MMGT1: variants seen among roughly 807,000 people sequenced by gnomAD.
MMGT1 encodes the protein membrane magnesium transporter 1, also known as ER membrane protein complex subunit 5.
A neutral mutation model predicts 11.7 loss-of-function variants in MMGT1; 2 were observed. The observed-to-expected ratio is 0.17, with a 90% CI of 0.07 to 0.54. MMGT1 has a LOEUF of 0.54. MMGT1 is among the 20% of genes least tolerant of loss of function. MMGT1 has a pLI of 0.94. For missense variants in MMGT1, 74 were observed against 109.0 expected (o/e 0.68, Z 1.43); for synonymous variants, 49 against 44.4 (o/e 1.10, Z -0.41).
intron 2 of MMGT1, among the ~76,000 whole-genome samples, chrX:135,967,793 C>T (rs2089194209): frequency 1.8e-5 from 2 of 111,989 alleles, no homozygotes; most frequent in African/African-American, 6.5e-5. Flanking sequence ...TTACCTGCTT[C>T]CAAGAGCAAC....
intron 2 of MMGT1, among the ~76,000 whole-genome samples, chrX:135,968,728 A>C: frequency 9.1e-6 from 1 of 110,332 alleles, no homozygotes; most frequent in East Asian, 2.8e-4. Flanking sequence ...ATGGGGTTTC[A>C]CCATGTTGGC....
At chrX:135,965,917 G>A (rs1556611903) in intron 3 of MMGT1, among the ~76,000 whole-genome samples, 1 of 111,954 alleles carries the variant, frequency 8.9e-6, no homozygotes, top group Non-Finnish European at 1.9e-5. Context: ...TGTTTTCCAA[G>A]AATCTTTCAA....
In MMGT1 at chrX:135,973,610, A is replaced by G; in HGVS notation, c.66T>C (p.Phe22=). The change falls in exon 1 of 4, where the codon TTT becomes TTC. Residue 22 remains phenylalanine, a synonymous_variant. Coordinates refer to ENST00000305963, the MANE Select transcript of MMGT1 (RefSeq NM_173470.3). Reference sequence around the variant, plus strand: ...CCAGGCACTTACGCTGCGCAGCGGAAAAGGCGGCGTGGGCTAGGGCAAAGA... The same window carrying G: ...CCAGGCACTTACGCTGCGCAGCGGAGAAGGCGGCGTGGGCTAGGGCAAAGA... ...IGLFALAHAA[F]SAAQHRSYMR... is the part of the protein sequence containing the mutation. 1 of 1,166,536 alleles carries G rather than the reference A, an allele frequency of 8.6e-7. No individual in the cohort carries two copies. The highest frequency in any genetic ancestry group is 1.1e-6 in the Non-Finnish European group (1 of 872,353).
intron 3 of MMGT1, among the ~76,000 whole-genome samples, chrX:135,966,200 T>C (rs1420131226): frequency 8.9e-6 from 1 of 112,123 alleles, no homozygotes; most frequent in African/African-American, 3.2e-5. Flanking sequence ...CTGGAAAGGA[T>C]AGGAGAACTC....
Position 135,962,032 on chromosome X carries a change from A to T in MMGT1, c.*2992T>A, listed in dbSNP as rs1456221654. On this transcript the variant is annotated 3_prime_UTR_variant, in exon 4 of 4. Transcript: ENST00000305963. ...CAGAAAAGCAGAAGAAATGAGATTA[A>T]AAGTCCAAAAAAAAAAAGCCCAAAA... The T allele has an allele frequency of 9.1e-6, 1 of 110,359 alleles. No homozygotes were observed. The highest frequency in any genetic ancestry group is 3.3e-5 in the African/African-American group (1 of 30,397). 9.1% of individuals were successfully genotyped at this position (110,359 alleles called of 1,213,427 possible). A position where few individuals can be genotyped will look rare whatever the true frequency, so the allele number is the denominator to read the frequency against.
intron 1 of MMGT1, among the ~76,000 whole-genome samples, chrX:135,972,360 A>AAGAATGTGTTTAG (rs2089224559): frequency 8.9e-6 from 1 of 112,721 alleles, no homozygotes; most frequent in South Asian, 3.6e-4. Flanking sequence ...ACTCTTGAAG[A>AAGAATGTGTTTAG]AGAATGTGTT....
intron 1 of MMGT1, among the ~76,000 whole-genome samples, chrX:135,973,097 C>T (rs782432722): frequency 8.9e-6 from 1 of 111,891 alleles, no homozygotes; most frequent in South Asian, 3.7e-4. Context: ...ACAGATGTAG[C>T]GGTAATGCAA....
At chrX:135,968,103 C>T (rs782153282) in intron 2 of MMGT1, among the ~76,000 whole-genome samples, 10 of 112,177 alleles carry the variant, frequency 8.9e-5, no homozygotes, top group South Asian at 3.7e-4. Context: ...CCGCCCGCCA[C>T]GGCCTCCCAA....
In MMGT1 at chrX:135,973,742, G is replaced by A. The variant is rs985124805; in HGVS notation, c.-67C>T. On this transcript the variant is annotated 5_prime_UTR_variant, in exon 1 of 4. Transcript: ENST00000305963. ...GGCGGAGCTGTTTCTTCTTCCACCGGCGGGTGTCCGCGCGCCGCAGAAAGA... is the reference window on the plus strand; with the variant it reads ...GGCGGAGCTGTTTCTTCTTCCACCGACGGGTGTCCGCGCGCCGCAGAAAGA... 2 of 1,166,391 alleles carry A rather than the reference G, an allele frequency of 1.7e-6. No individual in the cohort carries two copies. The highest frequency in any genetic ancestry group is 5.2e-5 in the Admixed American group (2 of 38,750).
At chrX:135,971,327 T>C (rs2089217830) in intron 1 of MMGT1, among the ~76,000 whole-genome samples, 1 of 111,884 alleles carries the variant, frequency 8.9e-6, no homozygotes, top group Non-Finnish European at 1.9e-5. Context: ...AAGAAGTGGC[T>C]GACTTATATG....
intron 2 of MMGT1, among the ~76,000 whole-genome samples, chrX:135,967,880 G>A (rs782448349): frequency 3.6e-5 from 4 of 110,173 alleles, no homozygotes; most frequent in Non-Finnish European, 7.6e-5. Flanking sequence ...TTTTTGAGAC[G>A]AAGTTTCCCT....
chrX:135,963,375 C>T lies in MMGT1; in HGVS notation c.*1649G>A, dbSNP rs1020244944. ...AAGAGAAGGAAACAAGAGGCTCTTC[C>T]AAACCAAATCGTACCAGAAGAAAAC... is the stretch of plus-strand genomic sequence containing the variant. On this transcript the variant is annotated 3_prime_UTR_variant, in exon 4 of 4. Transcript: ENST00000305963. The T allele has an allele frequency of 1.5e-4, 17 of 112,017 alleles. No individual in the cohort carries two copies. The highest frequency in any genetic ancestry group is 4.9e-4 in the African/African-American group (15 of 30,886). 9.2% of individuals were successfully genotyped at this position (112,017 alleles called of 1,213,427 possible).
chrX:135,961,631 T>C lies in MMGT1; in HGVS notation c.*3393A>G, dbSNP rs184169844. 8.9e-6 allele frequency among the ~76,000 whole-genome samples: 1 copy of C among 111,840 alleles called. No homozygotes were observed. Among genetic ancestry groups the C allele is most frequent in the Non-Finnish European group, 1.9e-5 (1 of 53,125 alleles). On this transcript the variant is annotated 3_prime_UTR_variant, in exon 4 of 4. Coordinates refer to ENST00000305963, the MANE Select transcript of MMGT1 (RefSeq NM_173470.3). ...CCGGTGGTGTTATTTTTCAAAATAC[T>C]GTAGATAAGTGCCAAGTTTTGCAAT...
chrX:135,969,986 A>G (rs1418066432), intron 2 of MMGT1, among the ~76,000 whole-genome samples: 1 of 112,164 alleles, frequency 8.9e-6, no homozygotes, highest in East Asian at 2.8e-4. Flanking sequence ...CTCTGTTACA[A>G]AGAACTTACT....
intron 1 of MMGT1, 98 bp downstream of exon 1, chrX:135,973,499 A>G: frequency 1.4e-6 from 1 of 696,841 alleles, no homozygotes; most frequent in South Asian, 2.6e-5. Context: ...TCAAAGGACC[A>G]TTAATCTGAC....
chrX:135,973,485 G>T (rs1556612787), intron 1 of MMGT1, 112 bp downstream of exon 1: 1 of 603,192 alleles, frequency 1.7e-6, no homozygotes, highest in African/African-American at 2.3e-5. Context: ...CAAACTGTAA[G>T]GTCTCAAAGG....
At chrX:135,968,543 T>TG (rs2089199954) in intron 2 of MMGT1, among the ~76,000 whole-genome samples, 2 of 45,196 alleles carry the variant, frequency 4.4e-5, no homozygotes, top group Non-Finnish European at 8.9e-5. Context: ...GTGTGTTTTC[T>TG]TTTTTTGAGA....
chrX:135,964,908 A>C lies in MMGT1; in HGVS notation c.*116T>G, dbSNP rs2089176857. On this transcript the variant is annotated 3_prime_UTR_variant, in exon 4 of 4. Transcript: ENST00000305963. The stretch of plus-strand genomic sequence containing the variant: ...ACAAGGGCCATGGTTTTTTTTACTA[A>C]AGTAGGTCTGAAAGATCAATATAAA... The C allele has an allele frequency of 1.7e-6, 1 of 602,168 alleles. No individual in the cohort carries two copies. Among genetic ancestry groups the C allele is most frequent in the Non-Finnish European group, 2.6e-6 (1 of 390,548 alleles). 49.6% of individuals were successfully genotyped at this position (602,168 alleles called of 1,213,427 possible).
At chrX:135,971,790 C>T (rs1240357342) in intron 1 of MMGT1, among the ~76,000 whole-genome samples, 1 of 111,679 alleles carries the variant, frequency 9.0e-6, no homozygotes, top group African/African-American at 3.3e-5. Flanking sequence ...CCTCAGGAGG[C>T]AGCAAGGGAT....
Sources: gnomAD v4.1 joint callset for allele counts (sites outside exome capture counted in the v4.1 genomes callset) on GRCh38, gnomAD v4.1.1 for gene constraint, MANE v1.5 for transcripts, NCBI Gene and HGNC (gene_info 2026-07-23, HGNC 2026-07-21) for gene names.